Variants in SP100 observed in about 807,000 individuals in gnomAD.
SP100 encodes SP100 nuclear body protein.
In SP100, 84 loss-of-function variants were observed where a neutral mutation model predicts 130.0. The observed-to-expected ratio is 0.65, with a 90% CI of 0.54 to 0.77. The LOEUF (loss-of-function observed/expected upper bound fraction) is 0.77, where lower values mean the gene tolerates loss of function less well. Ranked by LOEUF, SP100 falls within the 30% of genes least tolerant of loss-of-function variation. SP100 has a pLI of 0.00. For missense variants in SP100, 978 were observed against 1,052.2 expected (o/e 0.93, Z 0.97); for synonymous variants, 331 against 351.7 (o/e 0.94, Z 0.66).
intron 2 of SP100, among the ~76,000 whole-genome samples, chr2:230,419,395 G>A (rs747997414): frequency 2.6e-5 from 4 of 152,104 alleles, no homozygotes; most frequent in African/African-American, 4.8e-5. Flanking sequence ...CCCATGAGTC[G>A]CTGAGTAGCT....
intron 2 of SP100, among the ~76,000 whole-genome samples, chr2:230,433,828 T>C (rs955496222): frequency 2.7e-5 from 4 of 150,872 alleles, no homozygotes; most frequent in Non-Finnish European, 4.4e-5. Context: ...TTCAATATTA[T>C]TGAATAATAT....
At chr2:230,528,365 T>C (rs896780218) in intron 24 of SP100, among the ~76,000 whole-genome samples, 53 of 152,350 alleles carry the variant, frequency 3.5e-4, no homozygotes, top group African/African-American at 1.1e-3. Context: ...AATAAATATG[T>C]TCTTTGAAAC....
intron 24 of SP100, among the ~76,000 whole-genome samples, chr2:230,528,859 C>G (rs1575809759): frequency 6.6e-6 from 1 of 152,050 alleles, no homozygotes; most frequent in Non-Finnish European, 1.5e-5. Context: ...ACACATACAC[C>G]CTCCAAAGAC....
intron 24 of SP100, among the ~76,000 whole-genome samples, chr2:230,528,476 G>A (rs1293680119): frequency 1.3e-5 from 2 of 152,174 alleles, no homozygotes; most frequent in Non-Finnish European, 2.9e-5. Context: ...GAGAAAGCAG[G>A]AAAGATCTGC....
intron 13 of SP100, among the ~76,000 whole-genome samples, chr2:230,467,834 T>C (rs1382699): frequency 0.23 from 35,365 of 152,218 alleles, 4,948 homozygotes; most frequent in Middle Eastern, 0.33. Context: ...CTACTTCTGC[T>C]CATTCTCTGT....
chr2:230,445,109 G>T (rs2063650288), intron 4 of SP100, among the ~76,000 whole-genome samples: 2 of 152,090 alleles, frequency 1.3e-5, no homozygotes, highest in Non-Finnish European at 2.9e-5. Flanking sequence ...ACTCTGCCAG[G>T]GACTATTTTT....
At position 230,519,821 on chromosome 2, in the gene SP100, C is replaced by T. The variant is rs538396615; in HGVS notation, c.2094+8655C>T. Among the ~76,000 whole-genome samples, 2 of 152,290 alleles carry T rather than the reference C, an allele frequency of 1.3e-5. 1 individual carries two copies. Among genetic ancestry groups the T allele is most frequent in the South Asian group, 4.1e-4 (2 of 4,828 alleles). On this transcript the variant is annotated intron_variant, in intron 24 of 28. Coordinates refer to ENST00000340126, the MANE Select transcript of SP100 (RefSeq NM_001080391.2). ...GTGTATGGTAATACATCAGCTTAGG[C>T]ATTTTCAAAAGATCCCCATTTTGGC...
intron 8 of SP100, among the ~76,000 whole-genome samples, chr2:230,453,867 G>A (rs1376843258): frequency 6.6e-6 from 1 of 152,148 alleles, no homozygotes; most frequent in African/African-American, 2.4e-5. Flanking sequence ...GTTTGAAAAA[G>A]ATTGCTATTT....
intron 2 of SP100, among the ~76,000 whole-genome samples, chr2:230,437,440 C>G (rs2063327078): frequency 6.6e-6 from 1 of 152,134 alleles, no homozygotes; most frequent in Non-Finnish European, 1.5e-5. Context: ...GTCTGTTTCA[C>G]TTCTAGTGAT....
In SP100 at chr2:230,511,117, T is replaced by C. The variant is rs1690557075; in HGVS notation, c.2053-8T>C. The stretch of plus-strand genomic sequence containing the variant: ...ATATTGTACCAATCTTTCTGTTTTT[T>C]TCAACAGAGAATACTGGAATCTCAC... On this transcript the variant is annotated splice_region_variant and splice_polypyrimidine_tract_variant and intron_variant, in intron 23 of 28. Coordinates refer to ENST00000340126, the MANE Select transcript of SP100 (RefSeq NM_001080391.2). 8.1e-6 allele frequency: 13 copies of C among 1,596,752 alleles called. No individual in the cohort carries two copies. The highest frequency in any genetic ancestry group is 1.1e-5 in the Non-Finnish European group (13 of 1,164,240).
chr2:230,482,079 T>C (rs763448960), intron 17 of SP100, among the ~76,000 whole-genome samples: 1 of 152,204 alleles, frequency 6.6e-6, no homozygotes, highest in African/African-American at 2.4e-5. Context: ...CTCTTTGATA[T>C]CACCTTTTGA....
rs772559575 is a variant in SP100 at position 230,462,494 on chromosome 2, A to C, written c.1033A>C (p.Ile345Leu). The change falls in exon 10 of 29, where the codon ATC becomes CTC. Residue 345 changes from isoleucine to leucine, a missense_variant. By Grantham distance (5) the Ile-to-Leu change is conservative (BLOSUM62 2). Transcript: ENST00000340126. Reference protein sequence around the residue: ...TDVDEPLEVFISAPRSEPVIN... With the variant: ...TDVDEPLEVFLSAPRSEPVIN... Reference sequence around the variant, plus strand: ...CGTTGATGAGCCCTTAGAAGTCTTCATCTCAGCACCGAGAAGTGAGCCTGG... The same window carrying C: ...CGTTGATGAGCCCTTAGAAGTCTTCCTCTCAGCACCGAGAAGTGAGCCTGG... The C allele has an allele frequency of 3.1e-6, 5 of 1,613,518 alleles. No homozygotes were observed. In the South Asian group the frequency reaches 5.5e-5, roughly 18 times the overall value.
At chr2:230,524,057 G>A (rs1477052354) in intron 24 of SP100, among the ~76,000 whole-genome samples, 1 of 151,616 alleles carries the variant, frequency 6.6e-6, no homozygotes. Context: ...AAACCAGCTG[G>A]GTGTGGTTGC....
intron 24 of SP100, among the ~76,000 whole-genome samples, chr2:230,513,209 T>C (rs1690721249): frequency 6.6e-6 from 1 of 152,232 alleles, no homozygotes; most frequent in African/African-American, 2.4e-5. Context: ...AGCTGTCCTT[T>C]CTCATTGAAG....
At chr2:230,530,935 A>C (rs1209294235) in intron 24 of SP100, among the ~76,000 whole-genome samples, 1 of 152,210 alleles carries the variant, frequency 6.6e-6, no homozygotes, top group African/African-American at 2.4e-5. Flanking sequence ...GCTGGAAAGG[A>C]TGTGGAAAAA....
At chr2:230,442,083 T>C (rs1309062709) in intron 2 of SP100, among the ~76,000 whole-genome samples, 1 of 152,196 alleles carries the variant, frequency 6.6e-6, no homozygotes. Flanking sequence ...ACATTATTGT[T>C]TCCTGCCTCA....
intron 17 of SP100, among the ~76,000 whole-genome samples, chr2:230,475,687 T>C (rs2065504698): frequency 6.6e-6 from 1 of 152,246 alleles, no homozygotes; most frequent in Admixed American, 6.5e-5. Flanking sequence ...ATTTAAATCT[T>C]TAATCCATCT....
At chr2:230,431,378 T>C (rs2063094927) in intron 2 of SP100, among the ~76,000 whole-genome samples, 1 of 152,212 alleles carries the variant, frequency 6.6e-6, no homozygotes, top group Non-Finnish European at 1.5e-5. Context: ...GAAAACCTCT[T>C]GGTGTGGTGC....
chr2:230,541,267 G>A, intron 26 of SP100, 34 bp from the exon 27 acceptor site: 2 of 1,527,858 alleles, frequency 1.3e-6, no homozygotes, highest in Non-Finnish European at 1.8e-6. Flanking sequence ...TCTCTAAATT[G>A]CATTTAATTT....
Sources: allele counts gnomAD v4.1 joint callset (sites outside exome capture counted in the v4.1 genomes callset), GRCh38; gene constraint gnomAD v4.1.1; transcripts MANE v1.5; gene names NCBI Gene and HGNC (gene_info 2026-07-23, HGNC 2026-07-21).